The following ABHD16A variants were observed in gnomAD, a reference collection of about 807,000 sequenced individuals.
ABHD16A encodes phosphatidylserine lipase ABHD16A.
ABHD16A carries 47 observed loss-of-function variants against 89.8 expected under a neutral mutation model. The ratio of observed to expected loss-of-function variants is 0.52; its 90% CI spans 0.41 to 0.67. The LOEUF is 0.67. Ranked by LOEUF, ABHD16A falls within the 30% of genes least tolerant of loss-of-function variation. ABHD16A has a pLI of 0.00. For missense variants in ABHD16A, 580 were observed against 734.6 expected (o/e 0.79, Z 2.43); for synonymous variants, 251 against 280.4 (o/e 0.90, Z 1.05).
intron 1 of ABHD16A, chr6:31,702,834 G>T: frequency 7.2e-7 from 1 of 1,394,090 alleles, no homozygotes; most frequent in South Asian, 1.7e-5. Context: ...CCCAGTCCGC[G>T]CAGGGTCTCT....
chr6:31,703,316 G>C lies in ABHD16A; in HGVS notation c.-35C>G. On this transcript the variant is annotated 5_prime_UTR_variant, in exon 1 of 20. Transcript: ENST00000395952. ...TCGGGCCGCTGCTCTTCCAGCAGCA[G>C]GTCCCCCTGCCGGCCCCGCCCTCCC... The C allele has an allele frequency of 4.5e-6, 6 of 1,338,278 alleles. No homozygotes were observed. The highest frequency in any genetic ancestry group is 5.8e-6 in the Non-Finnish European group (6 of 1,033,438). 82.9% of individuals were successfully genotyped at this position (1,338,278 alleles called of 1,614,324 possible).
At chr6:31,701,121 G>A (rs528055660) in intron 3 of ABHD16A, 93 bp from the exon 4 acceptor site, 6 of 1,351,754 alleles carry the variant, frequency 4.4e-6, no homozygotes, top group South Asian at 3.6e-5. Flanking sequence ...CACACTCCCT[G>A]TTTGGAACAG....
At chr6:31,699,333 C>T (rs60770889) in intron 4 of ABHD16A, among the ~76,000 whole-genome samples, 4 of 141,696 alleles carry the variant, frequency 2.8e-5, no homozygotes, top group African/African-American at 5.4e-5. Flanking sequence ...GGCGTGAACC[C>T]GGGAGGCGGA....
rs182950195 is a variant in ABHD16A at position 31,702,799 on chromosome 6, G to A, written c.132+351C>T. Reference sequence around the variant, plus strand: ...GGCACTGAAGAAGAGGAAACTGGGAGTCTGACAGCAAAATTCAACGGCTCC... The same window carrying A: ...GGCACTGAAGAAGAGGAAACTGGGAATCTGACAGCAAAATTCAACGGCTCC... On this transcript the variant is annotated intron_variant, in intron 1 of 19. Coordinates refer to ENST00000395952, the MANE Select transcript of ABHD16A (RefSeq NM_021160.3). 2.9e-5 allele frequency: 41 copies of A among 1,433,266 alleles called. No homozygotes were observed. In the East Asian group the frequency reaches 8.7e-4, roughly 30 times the overall value. 88.8% of individuals were successfully genotyped at this position (1,433,266 alleles called of 1,614,324 possible). A position where few individuals can be genotyped will look rare whatever the true frequency, so the allele number is the denominator to read the frequency against.
chr6:31,701,343 G>C lies in ABHD16A; in HGVS notation c.190-3C>G. ...GAGATGGACCAGAATACTGAAGCCT[G>C]CAGCAGAGAGACAGGGACAGGCAAT... On this transcript the variant is annotated splice_region_variant and splice_polypyrimidine_tract_variant and intron_variant, in intron 2 of 19. Transcript: ENST00000395952. The C allele has an allele frequency of 6.2e-7, 1 of 1,608,506 alleles. No individual in the cohort carries two copies. The highest frequency in any genetic ancestry group is 8.5e-7 in the Non-Finnish European group (1 of 1,177,780).
rs1439282113 is a variant in ABHD16A, at chr6:31,701,277, TC to T, written c.252del (p.Gly86ValfsTer3). 3.1e-6 allele frequency: 5 copies of T among 1,612,546 alleles called. No homozygotes were observed. Among genetic ancestry groups the T allele is most frequent in the Non-Finnish European group, 4.2e-6 (5 of 1,179,152 alleles). ...SSPFAFFYLY[R>X]KGYLSLSKVV... Reference sequence around the variant, plus strand: ...CCACCTTTGAAACCACACTGACCTTTCCTGTACAAGTAGAAGAAGGCGAAGG... The same window carrying T: ...CCACCTTTGAAACCACACTGACCTTTCTGTACAAGTAGAAGAAGGCGAAGG... On this transcript the variant is annotated frameshift_variant, in exon 3 of 20. Transcript: ENST00000395952. LOFTEE classifies it high-confidence loss of function.
rs761713972 is a variant in ABHD16A, at chr6:31,688,042, G to A, written c.1369C>T (p.Arg457Trp). The A allele has an allele frequency of 2.5e-6, 4 of 1,612,340 alleles. No homozygotes were observed. Among genetic ancestry groups the A allele is most frequent in the Non-Finnish European group, 3.4e-6 (4 of 1,179,342 alleles). The change falls in exon 16 of 20, where the codon CGG becomes TGG. Residue 457 changes from arginine (R) to tryptophan (W), a missense_variant and splice_region_variant. Around this residue, in one of 2 missense-constraint regions of ABHD16A, gnomAD observed 415 missense variants for 568.8 expected, o/e 0.73. Coordinates refer to ENST00000395952, the MANE Select transcript of ABHD16A (RefSeq NM_021160.3). The surrounding 1 kb of genome is among the most constrained non-coding windows in gnomAD (Gnocchi z 4.9). ...GCGCGCACACACCCTGGCTCTCACC[G>A]ATGCTGCAGGAGCTTCAGCAGGAGG... is the stretch of plus-strand genomic sequence containing the variant. ...NDLLLKLLQHRYPRVMAEEGL... is the reference protein window; with the variant it reads ...NDLLLKLLQHWYPRVMAEEGL...
intron 1 of ABHD16A, chr6:31,702,670 G>C: frequency 3.2e-6 from 5 of 1,544,210 alleles, no homozygotes; most frequent in Non-Finnish European, 4.4e-6. Flanking sequence ...GGTTGGGCGG[G>C]GGTTGAGGGG....
At position 31,688,678 on chromosome 6, in the gene ABHD16A, G is replaced by A; in HGVS notation, c.1250+45C>T. ...CAGGGTTTGAGCGCCCAGCAGAGCT[G>A]TATGGGGGGCAGGTGTTCAATGCCG... On this transcript the variant is annotated intron_variant, in intron 14 of 19. Coordinates refer to ENST00000395952, the MANE Select transcript of ABHD16A (RefSeq NM_021160.3). This position sits in a 1 kb window ranked among gnomAD's most constrained non-coding sequence, Gnocchi z 4.9. The A allele has an allele frequency of 6.2e-7, 1 of 1,606,240 alleles. No homozygotes were observed. Among genetic ancestry groups the A allele is most frequent in the Non-Finnish European group, 8.5e-7 (1 of 1,174,550 alleles).
At position 31,690,016 on chromosome 6, in the gene ABHD16A, G is replaced by A. The variant is rs1218659885; in HGVS notation, c.957+62C>T. 27 of 1,506,022 alleles carry A rather than the reference G, an allele frequency of 1.8e-5. No individual in the cohort carries two copies. Among genetic ancestry groups the A allele is most frequent in the Non-Finnish European group, 2.3e-5 (26 of 1,117,210 alleles). The allele number at this position is 1,506,022 out of a possible 1,614,324, so 93.3% of individuals were successfully genotyped here. On this transcript the variant is annotated intron_variant, in intron 11 of 19. Transcript: ENST00000395952. The surrounding 1 kb of genome is among the most constrained non-coding windows in gnomAD (Gnocchi z 4.1). ...CCACAGCCCCTCTCCTCCCTCCAAT[G>A]GCTGACCAGAGGGAAACAGACATAA...
Position 31,690,027 on chromosome 6 carries a change from G to T in ABHD16A, c.957+51C>A. ...CTCCTCCCTCCAATGGCTGACCAGAGGGAAACAGACATAATTCAGGAAAAG... is the reference window on the plus strand; with the variant it reads ...CTCCTCCCTCCAATGGCTGACCAGATGGAAACAGACATAATTCAGGAAAAG... On this transcript the variant is annotated intron_variant, in intron 11 of 19. Transcript: ENST00000395952. The surrounding 1 kb of genome is among the most constrained non-coding windows in gnomAD (Gnocchi z 4.1). 6.5e-7 allele frequency: 1 copy of T among 1,530,884 alleles called. No individual in the cohort carries two copies. The highest frequency in any genetic ancestry group is 2.3e-5 in the East Asian group (1 of 43,660). The allele number at this position is 1,530,884 out of a possible 1,614,324, so 94.8% of individuals were successfully genotyped here.
Position 31,688,175 on chromosome 6 carries a change from G to A in ABHD16A, c.1308-72C>T. ...AAGGGTCTAGATACCCAGGTTTCTGGTGGGCAGAGGTAGAAGGGACAAGTT... is the reference window on the plus strand; with the variant it reads ...AAGGGTCTAGATACCCAGGTTTCTGATGGGCAGAGGTAGAAGGGACAAGTT... On this transcript the variant is annotated intron_variant, in intron 15 of 19. Coordinates refer to ENST00000395952, the MANE Select transcript of ABHD16A (RefSeq NM_021160.3). This position sits in a 1 kb window ranked among gnomAD's most constrained non-coding sequence, Gnocchi z 4.9. 1.9e-6 allele frequency: 3 copies of A among 1,605,590 alleles called. No homozygotes were observed. In the Admixed American group the frequency reaches 5.0e-5, roughly 27 times the overall value.
At chr6:31,703,117 C>T (rs1393409935) in intron 1 of ABHD16A, 33 bp downstream of exon 1, 1 of 1,414,202 alleles carries the variant, frequency 7.1e-7, no homozygotes, top group East Asian at 2.7e-5. Context: ...TTGGACTGTA[C>T]CACGTTCTTC....
chr6:31,689,348 G>C (rs559636129), intron 12 of ABHD16A, among the ~76,000 whole-genome samples: 1 of 152,216 alleles, frequency 6.6e-6, no homozygotes, highest in East Asian at 1.9e-4. Context: ...CACTTTCCCT[G>C]ATCTCCCCAC....
intron 1 of ABHD16A, chr6:31,702,872 C>T: frequency 1.5e-6 from 2 of 1,348,698 alleles, no homozygotes; most frequent in East Asian, 5.9e-5. Context: ...CAACTGGGAC[C>T]GGCACGAACC....
chr6:31,692,003 G>T, intron 7 of ABHD16A, 85 bp from the exon 8 acceptor site: 1 of 1,049,668 alleles, frequency 9.5e-7, no homozygotes, highest in Non-Finnish European at 1.4e-6. Flanking sequence ...AGCACTCACA[G>T]ACTGTAAGGC....
Position 31,687,021 on chromosome 6 carries a change from T to C in ABHD16A, c.*191A>G. ...ATCCATTCATGTAATGCAGGATGTA[T>C]GTTGGAGAAGGTTAAGTACAGCCAC... On this transcript the variant is annotated 3_prime_UTR_variant, in exon 20 of 20. Transcript: ENST00000395952. This position sits in a 1 kb window ranked among gnomAD's most constrained non-coding sequence, Gnocchi z 6.3. 1.7e-6 allele frequency: 1 copy of C among 601,672 alleles called. No homozygotes were observed. Among genetic ancestry groups the C allele is most frequent in the Non-Finnish European group, 3.0e-6 (1 of 334,186 alleles). The allele number at this position is 601,672 out of a possible 1,614,324, so 37.3% of individuals were successfully genotyped here.
chr6:31,699,823 A>C (rs1562118611), intron 4 of ABHD16A, among the ~76,000 whole-genome samples: 1 of 152,048 alleles, frequency 6.6e-6, no homozygotes, highest in Non-Finnish European at 1.5e-5. Flanking sequence ...GGCTCACTGC[A>C]ACCTCTGCCT....
Position 31,703,264 on chromosome 6 carries a change from G to A in ABHD16A, c.18C>T (p.Ser6=), listed in dbSNP as rs1805208591. The change falls in exon 1 of 20, where the codon AGC becomes AGT. Residue 6 remains serine, a synonymous_variant. Transcript: ENST00000395952. MAKLL[S]CVLGPRLYKI... ...TGTAGAGCCGGGGGCCTAGGACGCA[G>A]CTCAGCAGCTTCGCCATGGCCCCGG... The A allele has an allele frequency of 7.3e-7, 1 of 1,367,302 alleles. No homozygotes were observed. Among genetic ancestry groups the A allele is most frequent in the Non-Finnish European group, 9.5e-7 (1 of 1,047,170 alleles). 84.7% of individuals were successfully genotyped at this position (1,367,302 alleles called of 1,614,324 possible).
Sources: gnomAD v4.1 joint callset for allele counts (sites outside exome capture counted in the v4.1 genomes callset) on GRCh38, gnomAD v4.1.1 for gene constraint, gnomAD v4.1.1 regional missense constraint, Gnocchi (gnomAD v3.1) non-coding constraint, MANE v1.5 for transcripts, NCBI Gene and HGNC (gene_info 2026-07-23, HGNC 2026-07-21) for gene names.